The following LRCH1 variants were observed in gnomAD, a reference collection of about 807,000 sequenced individuals.
The protein encoded by LRCH1 is leucine rich repeats and calponin homology domain containing 1, also known as leucine-rich repeat and calponin homology domain-containing protein 1.
In LRCH1, 23 loss-of-function variants were observed where a neutral mutation model predicts 94.9. That is an observed-to-expected ratio of 0.24 (90% CI 0.17 to 0.34). The LOEUF (loss-of-function observed/expected upper bound fraction) is 0.34, where lower values mean the gene tolerates loss of function less well. Among genes scored for constraint, LRCH1 ranks in the 10% least tolerant of loss-of-function variants. The probability of loss-of-function intolerance (pLI) is 1.00; values close to 1 mark genes in which losing one functional copy is unlikely to be tolerated. For synonymous variants in LRCH1, 364 were observed against 354.9 expected (o/e 1.03, Z -0.29); for missense variants, 790 against 945.9 (o/e 0.84, Z 2.16).
chr13:46,628,806 A>T (rs1470186055), intron 1 of LRCH1, among the ~76,000 whole-genome samples: 1 of 152,140 alleles, frequency 6.6e-6, no homozygotes, highest in Non-Finnish European at 1.5e-5. Flanking sequence ...GATATAAAAC[A>T]GTAATGTGTG....
At chr13:46,625,932 C>T (rs896229342) in intron 1 of LRCH1, among the ~76,000 whole-genome samples, 2 of 152,092 alleles carry the variant, frequency 1.3e-5, no homozygotes, top group East Asian at 1.9e-4. Flanking sequence ...GGATTACAGG[C>T]GTGAGCCACC....
rs2051563671 is a variant in LRCH1 at position 46,669,118 on chromosome 13, C to T, written c.541C>T (p.Pro181Ser). Residue 181 changes from proline to serine, a missense_variant, in exon 3 of 20, where the codon CCA (proline) becomes TCA (serine). Around this residue, in one of 3 missense-constraint regions of LRCH1, gnomAD observed 194 missense variants for 293.5 expected, o/e 0.66. Transcript: ENST00000389797. ...IASNNKLGSL[P>S]EEIGQLKQLM... Reference sequence around the variant, plus strand: ...AAGTAACAACAAACTTGGATCATTACCAGAAGAGATAGGTCAGCTCAAACA... The same window carrying T: ...AAGTAACAACAAACTTGGATCATTATCAGAAGAGATAGGTCAGCTCAAACA... 2 of 1,614,122 alleles carry T rather than the reference C, an allele frequency of 1.2e-6. No homozygotes were observed. The highest frequency in any genetic ancestry group is 4.5e-5 in the East Asian group (2 of 44,886).
At position 46,712,512 on chromosome 13, in the gene LRCH1, TC is replaced by T. The variant is rs762726860; in HGVS notation, c.1582-11del. ...TATTTTTTTCCTAATTTCCTTTCCT[TC>T]CAACACCACAGATTAGAGAGAACTC... On this transcript the variant is annotated splice_polypyrimidine_tract_variant and intron_variant, in intron 14 of 19. Transcript: ENST00000389797. The T allele has an allele frequency of 1.7e-5, 27 of 1,605,364 alleles. No homozygotes were observed. The highest frequency in any genetic ancestry group is 2.3e-5 in the Non-Finnish European group (27 of 1,172,986).
At chr13:46,653,817 G>A (rs2051337685) in intron 2 of LRCH1, among the ~76,000 whole-genome samples, 1 of 152,156 alleles carries the variant, frequency 6.6e-6, no homozygotes, top group East Asian at 1.9e-4. Flanking sequence ...ACAAGACCCT[G>A]TCTCAAAAGA....
intron 4 of LRCH1, among the ~76,000 whole-genome samples, chr13:46,685,467 G>C (rs563997229): frequency 4.4e-4 from 67 of 152,250 alleles, no homozygotes; most frequent in African/African-American, 1.5e-3. Context: ...AGCTAGTTCT[G>C]GGATAATGCC....
At chr13:46,656,872 T>C (rs1036446587) in intron 2 of LRCH1, among the ~76,000 whole-genome samples, 1 of 152,248 alleles carries the variant, frequency 6.6e-6, no homozygotes, top group Admixed American at 6.5e-5. Flanking sequence ...TGGCTATTTC[T>C]TATCAGATTG....
chr13:46,712,693 C>A, intron 15 of LRCH1, 96 bp downstream of exon 15: 1 of 1,145,134 alleles, frequency 8.7e-7, no homozygotes. Flanking sequence ...ACATCCTTGT[C>A]AGTTCTGCTG....
rs994305875 is a variant in LRCH1, at chr13:46,734,008, A to C, written c.2085+10A>C. 13 of 1,491,682 alleles carry C rather than the reference A, an allele frequency of 8.7e-6. No individual in the cohort carries two copies. The highest frequency in any genetic ancestry group is 1.2e-5 in the Non-Finnish European group (13 of 1,078,504). The allele number at this position is 1,491,682 out of a possible 1,614,324, so 92.4% of individuals were successfully genotyped here. ...ATTAGGAGTACCAGAGGTAACATCA[A>C]ACTTACTTCATATAACTGTGTTCTA... On this transcript the variant is annotated intron_variant, in intron 19 of 19. Transcript: ENST00000389797.
At chr13:46,559,501 C>T (rs2050106490) in intron 1 of LRCH1, among the ~76,000 whole-genome samples, 1 of 152,192 alleles carries the variant, frequency 6.6e-6, no homozygotes, top group Non-Finnish European at 1.5e-5. Context: ...CAGACAATAT[C>T]TGTAGTGGTT....
intron 1 of LRCH1, among the ~76,000 whole-genome samples, chr13:46,636,730 T>G (rs957601226): frequency 6.6e-6 from 1 of 152,194 alleles, no homozygotes; most frequent in Non-Finnish European, 1.5e-5. Context: ...ATAGGAACAG[T>G]GGAGCACTCC....
intron 1 of LRCH1, among the ~76,000 whole-genome samples, chr13:46,564,551 G>A (rs566434186): frequency 1.6e-4 from 25 of 152,318 alleles, no homozygotes; most frequent in African/African-American, 4.6e-4. Flanking sequence ...GGCACTCAGC[G>A]GCTGGGAAAC....
chr13:46,556,523 G>A (rs2050067708), intron 1 of LRCH1, among the ~76,000 whole-genome samples: 1 of 152,186 alleles, frequency 6.6e-6, no homozygotes, highest in African/African-American at 2.4e-5. Context: ...AGGTGTCACT[G>A]ATGGAAAGGG....
intron 6 of LRCH1, among the ~76,000 whole-genome samples, chr13:46,688,902 C>G (rs1870755343): frequency 6.6e-6 from 1 of 152,148 alleles, no homozygotes; most frequent in South Asian, 2.1e-4. Context: ...CCATGAAACC[C>G]CGAACACAAA....
intron 1 of LRCH1, among the ~76,000 whole-genome samples, chr13:46,638,964 G>C (rs1426791293): frequency 1.3e-5 from 2 of 152,118 alleles, no homozygotes; most frequent in East Asian, 3.8e-4. Context: ...TGAGGATTAT[G>C]GTTAACTGAA....
intron 2 of LRCH1, among the ~76,000 whole-genome samples, chr13:46,667,892 T>C (rs1428309211): frequency 6.6e-6 from 1 of 152,242 alleles, no homozygotes; most frequent in Non-Finnish European, 1.5e-5. Context: ...TTTTGGTGTA[T>C]TTCCATTCTG....
intron 8 of LRCH1, among the ~76,000 whole-genome samples, chr13:46,694,268 T>G (rs975855036): frequency 2.6e-5 from 4 of 152,190 alleles, no homozygotes; most frequent in Non-Finnish European, 5.9e-5. Context: ...TTCAGAACAG[T>G]TGGAAGAGTT....
intron 17 of LRCH1, among the ~76,000 whole-genome samples, chr13:46,726,197 A>C (rs569037592): frequency 9.2e-5 from 14 of 152,312 alleles, no homozygotes; most frequent in African/African-American, 3.1e-4. Context: ...TGGAGTAGGC[A>C]TACTTTGCCC....
chr13:46,617,370 G>C (rs879479276), intron 1 of LRCH1, among the ~76,000 whole-genome samples: 2 of 152,194 alleles, frequency 1.3e-5, no homozygotes, highest in African/African-American at 2.4e-5. Context: ...ATTTGTCTAA[G>C]TCTCTCTTTT....
chr13:46,595,168 T>C (rs1330572479), intron 1 of LRCH1, among the ~76,000 whole-genome samples: 1 of 152,214 alleles, frequency 6.6e-6, no homozygotes, highest in Non-Finnish European at 1.5e-5. Context: ...CCCATACCCA[T>C]CGAGAACCCT....
Sources: allele counts gnomAD v4.1 joint callset (sites outside exome capture counted in the v4.1 genomes callset), GRCh38; gene constraint gnomAD v4.1.1; regional missense constraint gnomAD v4.1.1; transcripts MANE v1.5; gene names NCBI Gene and HGNC (gene_info 2026-07-23, HGNC 2026-07-21).